Variants in ANO4 observed in about 807,000 individuals in gnomAD.
ANO4 encodes anoctamin 4, also known as anoctamin-4.
In ANO4, 69 loss-of-function variants were observed where a neutral mutation model predicts 141.9. The ratio of observed to expected loss-of-function variants is 0.49; its 90% confidence interval spans 0.40 to 0.59. The LOEUF (loss-of-function observed/expected upper bound fraction) is 0.59, where lower values mean the gene tolerates loss of function less well. Among genes scored for constraint, ANO4 ranks in the 20% least tolerant of loss-of-function variants. ANO4 has a pLI of 0.00. For missense variants in ANO4, 894 were observed against 1,162.2 expected (o/e 0.77, Z 3.36); for synonymous variants, 350 against 394.3 (o/e 0.89, Z 1.33).
intron 10 of ANO4, chr12:101,039,152 G>A (rs537513602): frequency 6.6e-5 from 10 of 152,052 alleles, no homozygotes; most frequent in African/African-American, 2.4e-4. Flanking sequence ...TTTTCTTGTC[G>A]ATAACATTGT....
intron 2 of ANO4, among the ~76,000 whole-genome samples, chr12:100,906,052 TA>T (rs1484184046): frequency 6.6e-6 from 1 of 152,156 alleles, no homozygotes; most frequent in African/African-American, 2.4e-5. Context: ...CAACTCACAT[TA>T]AAAGGGATTT....
intron 1 of ANO4, among the ~76,000 whole-genome samples, chr12:100,813,647 T>C (rs778388926): frequency 2.0e-5 from 3 of 152,106 alleles, no homozygotes; most frequent in Non-Finnish European, 4.4e-5. Flanking sequence ...TAAAACTCTG[T>C]GGGGAAGTGG....
At chr12:100,907,247 A>G (rs1163533527) in intron 2 of ANO4, among the ~76,000 whole-genome samples, 1 of 152,092 alleles carries the variant, frequency 6.6e-6, no homozygotes, top group East Asian at 1.9e-4. Context: ...AGGCATCCAC[A>G]GGCTTTTTAG....
intron 1 of ANO4, among the ~76,000 whole-genome samples, chr12:100,800,350 G>C (rs1024717793): frequency 6.6e-6 from 1 of 152,162 alleles, no homozygotes; most frequent in Non-Finnish European, 1.5e-5. Context: ...CACTCCTCTT[G>C]AGGAGTTCAG....
intron 3 of ANO4, among the ~76,000 whole-genome samples, chr12:100,777,488 G>A (rs1847792550): frequency 6.6e-6 from 1 of 151,720 alleles, no homozygotes; most frequent in Non-Finnish European, 1.5e-5. Context: ...AAAAAGCCAT[G>A]AGAAGGAGGC....
intron 1 of ANO4, among the ~76,000 whole-genome samples, chr12:100,838,648 G>A: frequency 6.6e-6 from 1 of 152,176 alleles, no homozygotes; most frequent in Non-Finnish European, 1.5e-5. Flanking sequence ...TGGAGAGGAA[G>A]GTGGAAAATA....
At chr12:100,740,289 C>A (rs979145723) in intron 3 of ANO4, among the ~76,000 whole-genome samples, 3 of 152,004 alleles carry the variant, frequency 2.0e-5, no homozygotes, top group Non-Finnish European at 2.9e-5. Context: ...GTTGTCCAGG[C>A]TGGTATCGAA....
At chr12:100,757,330 C>G (rs2032656619) in intron 3 of ANO4, among the ~76,000 whole-genome samples, 1 of 152,174 alleles carries the variant, frequency 6.6e-6, no homozygotes, top group Non-Finnish European at 1.5e-5. Flanking sequence ...TGGCTGTCGA[C>G]TTAATCTCTC....
intron 3 of ANO4, among the ~76,000 whole-genome samples, chr12:100,746,993 C>A (rs1156771151): frequency 6.6e-6 from 1 of 152,188 alleles, no homozygotes; most frequent in African/African-American, 2.4e-5. Context: ...ACATTTTGGG[C>A]TGAATAATTC....
intron 1 of ANO4, among the ~76,000 whole-genome samples, chr12:100,726,205 A>G (rs2031109928): frequency 6.6e-6 from 1 of 152,062 alleles, no homozygotes; most frequent in Non-Finnish European, 1.5e-5. Flanking sequence ...GGATTTGGGC[A>G]TTTTATTGTA....
intron 14 of ANO4, among the ~76,000 whole-genome samples, chr12:101,055,195 T>TA (rs1209450717): frequency 2.6e-5 from 4 of 152,232 alleles, no homozygotes; most frequent in African/African-American, 9.6e-5. Context: ...CTTGGATGAA[T>TA]AATTAAAAGT....
At chr12:100,987,284 G>A (rs1349417832) in intron 7 of ANO4, 1 of 413,774 alleles carries the variant, frequency 2.4e-6, no homozygotes, top group East Asian at 4.6e-5. Context: ...ATTTATTATT[G>A]GCATGTGGGT....
intron 17 of ANO4, among the ~76,000 whole-genome samples, chr12:101,092,198 A>G (rs890544871): frequency 1.3e-5 from 2 of 152,058 alleles, no homozygotes; most frequent in Non-Finnish European, 2.9e-5. Flanking sequence ...ATATTTAATT[A>G]TACTATAAAC....
chr12:101,121,856 A>C (rs10745905), intron 26 of ANO4, among the ~76,000 whole-genome samples: 1 of 150,076 alleles, frequency 6.7e-6, no homozygotes, highest in Admixed American at 6.7e-5. Context: ...TCTGCCTCCC[A>C]GGTTCAAGTA....
intron 2 of ANO4, among the ~76,000 whole-genome samples, chr12:100,734,925 A>G (rs758793619): frequency 3.3e-5 from 5 of 152,236 alleles, no homozygotes; most frequent in Non-Finnish European, 5.9e-5. Flanking sequence ...TAAAAATACA[A>G]ATTTACCACA....
At position 100,748,983 on chromosome 12, in the gene ANO4, T is replaced by C. The variant is rs184326591; in HGVS notation, c.358+8878T>C. ...ACTTAAGTTAGGATATTGTAACAAG[T>C]AGGGCATTTTTATGCATTTTGGAAG... On this transcript the variant is annotated intron_variant, in intron 3 of 29. Coordinates refer to the ANO4 transcript ENST00000644049. Among the ~76,000 whole-genome samples, 29 of 152,262 alleles carry C rather than the reference T, an allele frequency of 1.9e-4. 1 individual carries two copies. Among genetic ancestry groups the C allele is most frequent in the Admixed American group, 1.7e-3 (26 of 15,288 alleles).
intron 14 of ANO4, among the ~76,000 whole-genome samples, chr12:101,059,857 G>C (rs1322235470): frequency 6.6e-6 from 1 of 151,954 alleles, no homozygotes; most frequent in East Asian, 1.9e-4. Context: ...TATTTTGAAG[G>C]GTTTTTCATG....
intron 1 of ANO4, among the ~76,000 whole-genome samples, chr12:100,871,378 C>T (rs1207614380): frequency 1.3e-5 from 2 of 152,150 alleles, no homozygotes; most frequent in Non-Finnish European, 1.5e-5. Flanking sequence ...CTTGTTGGCA[C>T]CCTGCAGTTT....
Position 100,907,900 on chromosome 12 carries a change from A to G in ANO4, c.55+6060A>G, listed in dbSNP as rs2040919055. Among the ~76,000 whole-genome samples the G allele has an allele frequency of 3.3e-5, 5 of 152,242 alleles. No homozygotes were observed. In the South Asian group the frequency reaches 1.0e-3, roughly 31 times the overall value. On this transcript the variant is annotated intron_variant, in intron 2 of 27. Coordinates refer to ENST00000392977, the MANE Select transcript of ANO4 (RefSeq NM_001286615.2). Reference sequence around the variant, plus strand: ...TATTCCATTAAAGTCAAACGCAGGCAGTGTAGATTCAGTCTGTCCTTTCCT... The same window carrying G: ...TATTCCATTAAAGTCAAACGCAGGCGGTGTAGATTCAGTCTGTCCTTTCCT...
Sources: allele counts gnomAD v4.1 joint callset (sites outside exome capture counted in the v4.1 genomes callset), GRCh38; gene constraint gnomAD v4.1.1; transcripts MANE v1.5; gene names NCBI Gene and HGNC (gene_info 2026-07-23, HGNC 2026-07-21).